Variants in SALL1 observed in about 807,000 individuals in gnomAD.
The protein encoded by SALL1 is sal-like protein 1.
SALL1 carries 10 observed loss-of-function variants against 73.1 expected under a neutral mutation model. The observed-to-expected ratio is 0.14, with a 90% confidence interval of 0.08 to 0.23. The LOEUF (loss-of-function observed/expected upper bound fraction) is 0.23. Ranked by LOEUF, SALL1 falls within the 10% of genes least tolerant of loss-of-function variation. SALL1 has a pLI of 1.00. For missense variants in SALL1, 1,520 were observed against 1,697.3 expected (o/e 0.90, Z 1.84); for synonymous variants, 688 against 689.8 (o/e 1.00, Z 0.04).
At chr16:51,149,263 T>C (rs1222486983) in intron 1 of SALL1, 1 of 152,480 alleles carries the variant, frequency 6.6e-6, no homozygotes, top group African/African-American at 2.4e-5. Flanking sequence ...CCGAGACTTT[T>C]TTTTTTTAAA....
chr16:51,140,836 A>G lies in SALL1; in HGVS notation c.1386T>C (p.Ser462=), dbSNP rs751536147. ...RFCAKVFGSD[S]ALQIHLRSHT... The stretch of plus-strand genomic sequence containing the variant: ...GGGAACGCAAGTGGATCTGCAAGGC[A>G]CTGTCACTCCCAAAGACCTTCGCGC... The change falls in exon 2 of 3, where the codon AGT becomes AGC. Residue 462 remains serine, a synonymous_variant. Transcript: ENST00000251020. This position sits in a 1 kb window ranked among gnomAD's most constrained non-coding sequence, Gnocchi z 5.7. 3.7e-6 allele frequency: 6 copies of G among 1,614,126 alleles called. No homozygotes were observed. The highest frequency in any genetic ancestry group is 1.3e-5 in the African/African-American group (1 of 74,952).
At position 51,136,905 on chromosome 16, in the gene SALL1, G is replaced by A. The variant is rs1467418002; in HGVS notation, c.*207C>T. ...CAAAGTTAACGCTTGCATTCTGTTT[G>A]CAAAGCAAGGTTATATCGCTAATAA... On this transcript the variant is annotated 3_prime_UTR_variant, in exon 3 of 3. Transcript: ENST00000251020. The A allele has an allele frequency of 5.1e-6, 3 of 585,242 alleles. No homozygotes were observed. The highest frequency in any genetic ancestry group is 9.1e-6 in the Non-Finnish European group (3 of 330,202). 36.3% of individuals were successfully genotyped at this position (585,242 alleles called of 1,614,324 possible). A position where few individuals can be genotyped will look rare whatever the true frequency, so the allele number is the denominator to read the frequency against.
At position 51,141,620 on chromosome 16, in the gene SALL1, T is replaced by C. The variant is rs775143619; in HGVS notation, c.602A>G (p.Gln201Arg). The change falls in exon 2 of 3, where the codon CAG becomes CGG. Residue 201 changes from glutamine (Q) to arginine (R), a missense_variant. By Grantham distance (43) the Gln-to-Arg change is conservative. Coordinates refer to ENST00000251020, the MANE Select transcript of SALL1 (RefSeq NM_002968.3). This position sits in a 1 kb window ranked among gnomAD's most constrained non-coding sequence, Gnocchi z 5.4. ...CTGGGCCACCGCCACCTTGGTGCTC[T>C]GGAGGTTCTCGATGATGACGTTGCT... ...INSNVIIENL[Q>R]STKVAVAQFS... 22 of 1,613,956 alleles carry C rather than the reference T, an allele frequency of 1.4e-5. No homozygotes were observed. The highest frequency in any genetic ancestry group is 5.0e-5 in the Admixed American group (3 of 60,002).
At chr16:51,150,347 G>A (rs1962578424) in intron 1 of SALL1, 9 of 944,850 alleles carry the variant, frequency 9.5e-6, no homozygotes, top group Non-Finnish European at 1.1e-5. Flanking sequence ...CTGGAAGTAG[G>A]GAGCACCACG....
Position 51,136,405 on chromosome 16 carries a change from CTT to C in SALL1, c.*705_*706del, listed in dbSNP as rs886052076. 2.0e-5 allele frequency: 3 copies of C among 152,732 alleles called. No individual in the cohort carries two copies. The East Asian group carries it at 5.8e-4, about 29-fold the overall frequency. 9.5% of individuals were successfully genotyped at this position (152,732 alleles called of 1,614,324 possible). On this transcript the variant is annotated 3_prime_UTR_variant, in exon 3 of 3. Transcript: ENST00000251020. ...CAACTACCAAAACAACGCTTGTTTT[CTT>C]TTTCTCTAAAGAATTCTGCGTGCTT...
At position 51,137,209 on chromosome 16, in the gene SALL1, G is replaced by T. The variant is rs749740744; in HGVS notation, c.3878C>A (p.Pro1293His). The change falls in exon 3 of 3, where the codon CCC becomes CAC. Residue 1293 changes from proline (P) to histidine (H), a missense_variant. Physicochemically the swap from Pro to His is moderately conservative, Grantham distance 77. Transcript: ENST00000251020. ...ERLQNSEPNA[P>H]LAGLEKMASS... ...TGCCATTTTCTCCAGGCCGGCCAGG[G>T]GAGCATTGGGCTCTGAGTTCTGGAG... is the stretch of plus-strand genomic sequence containing the variant. The T allele has an allele frequency of 4.3e-6, 7 of 1,613,990 alleles. No individual in the cohort carries two copies. The Admixed American group carries it at 1.0e-4, about 23-fold the overall frequency.
Position 51,139,095 on chromosome 16 carries a change from T to G in SALL1, c.3127A>C (p.Asn1043His), listed in dbSNP as rs1962363469. ...VCNRGFSTKG[N>H]LKQHMLTHQM... ...TGTGTCAACATGTGCTGCTTCAAAT[T>G]ACCCTTTGTGGAAAAGCCACGATTG... Residue 1043 changes from asparagine (N) to histidine (H), a missense_variant, in exon 2 of 3, where the codon AAT becomes CAT. Asn to His is a moderately conservative substitution (Grantham distance 68). This residue lies in a region of SALL1 where 22 missense variants were observed against 52.0 expected (regional missense o/e 0.42). Transcript: ENST00000251020. 1 of 1,614,138 alleles carries G rather than the reference T, an allele frequency of 6.2e-7. No individual in the cohort carries two copies. The highest frequency in any genetic ancestry group is 8.5e-7 in the Non-Finnish European group (1 of 1,180,058).
chr16:51,141,069 T>C lies in SALL1; in HGVS notation c.1153A>G (p.Ser385Gly), dbSNP rs1567316040. ...GGTAGAAGTGGATTAGACGCAGGAC[T>C]TAATAAACTGCTTATTGCAAAAGCT... The part of the protein sequence containing the change: ...SPAFAISSLL[S>G]PASNPLLPQQ... Residue 385 changes from serine (S) to glycine (G), a missense_variant, in exon 2 of 3, where the codon AGT becomes GGT. Transcript: ENST00000251020. The surrounding 1 kb of genome is among the most constrained non-coding windows in gnomAD (Gnocchi z 5.4). 1 of 1,614,214 alleles carries C rather than the reference T, an allele frequency of 6.2e-7. No individual in the cohort carries two copies. The highest frequency in any genetic ancestry group is 1.7e-5 in the Admixed American group (1 of 60,028).
chr16:51,139,059 C>G lies in SALL1; in HGVS notation c.3163G>C (p.Asp1055His), dbSNP rs760326315. 1 of 1,614,176 alleles carries G rather than the reference C, an allele frequency of 6.2e-7. No individual in the cohort carries two copies. Among genetic ancestry groups the G allele is most frequent in the Non-Finnish European group, 8.5e-7 (1 of 1,180,032 alleles). The change falls in exon 2 of 3, where the codon GAT becomes CAT. Residue 1055 changes from aspartate (D) to histidine (H), a missense_variant. Coordinates refer to ENST00000251020, the MANE Select transcript of SALL1 (RefSeq NM_002968.3). ...KQHMLTHQMR[D>H]LPSQLFEPSS... Reference sequence around the variant, plus strand: ...GGCTCAAAGAGCTGGGATGGCAGATCTCGCATCTGATGTGTCAACATGTGC... The same window carrying G: ...GGCTCAAAGAGCTGGGATGGCAGATGTCGCATCTGATGTGTCAACATGTGC...
upstream of SALL1, among the ~76,000 whole-genome samples, chr16:51,151,901 C>A (rs976754174): frequency 1.9e-4 from 29 of 151,196 alleles, no homozygotes; most frequent in African/African-American, 6.3e-4. Context: ...GGCGCGCCGG[C>A]CCGCGGGGGG....
intron 1 of SALL1, among the ~76,000 whole-genome samples, chr16:51,148,308 T>C (rs1962547583): frequency 6.6e-6 from 1 of 152,212 alleles, no homozygotes; most frequent in South Asian, 2.1e-4. Context: ...TCTTTAGGGC[T>C]CCTGTAACTT....
chr16:51,151,336 C>T, upstream of SALL1: 4 of 875,396 alleles, frequency 4.6e-6, no homozygotes, highest in South Asian at 9.3e-5. Context: ...GGCGGCGGCT[C>T]CCCCCGCCCG....
Position 51,144,064 on chromosome 16 carries a change from G to A in SALL1, c.77-1919C>T, listed in dbSNP as rs1009716188. Among the ~76,000 whole-genome samples the A allele has an allele frequency of 3.3e-5, 5 of 152,116 alleles. No homozygotes were observed. In the South Asian group the frequency reaches 1.0e-3, roughly 32 times the overall value. ...TTAAAATCATATAAACAAAATATTA[G>A]ATGAAATTTGCTGAAGTTATATTGC... On this transcript the variant is annotated intron_variant, in intron 1 of 2. Transcript: ENST00000251020.
chr16:51,142,418 A>G (rs1404488422), intron 1 of SALL1, among the ~76,000 whole-genome samples: 2 of 152,230 alleles, frequency 1.3e-5, no homozygotes, highest in African/African-American at 4.8e-5. Context: ...GTGCATGATG[A>G]AATTCCATAG....
intron 1 of SALL1, chr16:51,149,107 G>GA (rs989069330): frequency 1.3e-5 from 2 of 152,332 alleles, no homozygotes; most frequent in East Asian, 1.9e-4. Flanking sequence ...AAACTAAATT[G>GA]AAAAAAATAG....
intron 2 of SALL1, among the ~76,000 whole-genome samples, chr16:51,137,809 C>T (rs1239155536): frequency 1.3e-5 from 2 of 152,204 alleles, no homozygotes; most frequent in Non-Finnish European, 2.9e-5. Flanking sequence ...GGATGCCTTA[C>T]TTACTCTTTT....
At chr16:51,148,979 T>A (rs1366532185) in intron 1 of SALL1, among the ~76,000 whole-genome samples, 1 of 151,658 alleles carries the variant, frequency 6.6e-6, no homozygotes, top group Non-Finnish European at 1.5e-5. Context: ...TTTAGGACAA[T>A]GTACCAGCTT....
chr16:51,151,119 G>C (rs752470628), intron 1 of SALL1, 47 bp downstream of exon 1: 1 of 1,456,556 alleles, frequency 6.9e-7, no homozygotes, highest in South Asian at 1.3e-5. Context: ...GTGTGCGTGA[G>C]TGTGAGTGCG....
rs749198993 is a variant in SALL1 at position 51,141,954 on chromosome 16, G to A, written c.268C>T (p.Pro90Ser). The A allele has an allele frequency of 6.8e-6, 11 of 1,613,846 alleles. No homozygotes were observed. The highest frequency in any genetic ancestry group is 1.7e-5 in the Admixed American group (1 of 60,000). ...ATTTGTTCATCAGGATTATCAGGAG[G>A]GGGGCTGGGGGAGAAGGTTTCGGGT... ...SPPETFSPSP[P>S]PDNPDEQMND... Residue 90 changes from proline (P) to serine (S), a missense_variant, in exon 2 of 3, where the codon CCT becomes TCT. Around this residue, in one of 7 missense-constraint regions of SALL1, gnomAD observed 540 missense variants for 567.5 expected, o/e 0.95. Coordinates refer to ENST00000251020, the MANE Select transcript of SALL1 (RefSeq NM_002968.3). This position sits in a 1 kb window ranked among gnomAD's most constrained non-coding sequence, Gnocchi z 5.4.
Sources: gnomAD v4.1 joint callset for allele counts (sites outside exome capture counted in the v4.1 genomes callset) on GRCh38, gnomAD v4.1.1 for gene constraint, gnomAD v4.1.1 regional missense constraint, Gnocchi (gnomAD v3.1) non-coding constraint, MANE v1.5 for transcripts, NCBI Gene and HGNC (gene_info 2026-07-23, HGNC 2026-07-21) for gene names.